Variants in PRKCE observed in about 807,000 individuals in gnomAD.
PRKCE encodes the protein protein kinase C epsilon type.
A neutral mutation model predicts 85.4 loss-of-function variants in PRKCE; 16 were observed. The observed-to-expected ratio is 0.19, with a 90% CI of 0.13 to 0.28. The LOEUF (loss-of-function observed/expected upper bound fraction) is 0.28. Among genes scored for constraint, PRKCE ranks in the 10% least tolerant of loss-of-function variants. The pLI is 1.00. For synonymous variants in PRKCE, 388 were observed against 371.5 expected (o/e 1.04, Z -0.51); for missense variants, 573 against 975.2 (o/e 0.59, Z 5.49).
chr2:45,998,629 A>G (rs1704413184), intron 6 of PRKCE, among the ~76,000 whole-genome samples: 2 of 152,018 alleles, frequency 1.3e-5, no homozygotes, highest in South Asian at 2.1e-4. Context: ...TTTAATTGGT[A>G]TATTTAGACT....
chr2:45,725,684 A>G (rs1373510182), intron 1 of PRKCE, among the ~76,000 whole-genome samples: 2 of 152,160 alleles, frequency 1.3e-5, no homozygotes, highest in African/African-American at 4.8e-5. Context: ...TATAAAAATT[A>G]GCTGGGCGTG....
intron 10 of PRKCE, among the ~76,000 whole-genome samples, chr2:46,023,087 C>A (rs1706810376): frequency 9.9e-5 from 2 of 20,182 alleles, no homozygotes; most frequent in Admixed American, 3.0e-4. Context: ...GAGACTCCGT[C>A]TCAAAAAAAA....
chr2:45,938,862 C>T (rs1295156208), intron 2 of PRKCE, among the ~76,000 whole-genome samples: 1 of 152,220 alleles, frequency 6.6e-6, no homozygotes, highest in South Asian at 2.1e-4. Flanking sequence ...CCCCTGAGGG[C>T]AGAGGCTGGG....
At chr2:45,840,401 A>C (rs1691249760) in intron 1 of PRKCE, 1 of 152,202 alleles carries the variant, frequency 6.6e-6, no homozygotes, top group Non-Finnish European at 1.5e-5. Flanking sequence ...GGTCAGCACT[A>C]GTGGTGAGAA....
Position 45,835,846 on chromosome 2 carries a change from C to T in PRKCE, c.349-7154C>T, listed in dbSNP as rs540265707. ...CTGGCTTGAAGCGATCCTCCTGCCT[C>T]AGCTTCCCAAAGTGTTGGGATTACA... On this transcript the variant is annotated intron_variant, in intron 1 of 14. Transcript: ENST00000306156. Among the ~76,000 whole-genome samples the T allele has an allele frequency of 5.3e-5, 8 of 152,256 alleles. No homozygotes were observed. The South Asian group carries it at 1.7e-3, about 32-fold the overall frequency.
At chr2:45,894,188 G>A (rs903760101) in intron 2 of PRKCE, among the ~76,000 whole-genome samples, 3 of 151,926 alleles carry the variant, frequency 2.0e-5, no homozygotes, top group Non-Finnish European at 4.4e-5. Flanking sequence ...ATCAGTTTTC[G>A]AAGATCTCTT....
intron 2 of PRKCE, among the ~76,000 whole-genome samples, chr2:45,943,772 G>C (rs564316373): frequency 3.3e-5 from 5 of 152,328 alleles, no homozygotes; most frequent in African/African-American, 1.2e-4. Flanking sequence ...CCTTTGTCAG[G>C]AGAGTTCCCA....
At chr2:46,163,167 A>T (rs1355143549) in intron 14 of PRKCE, among the ~76,000 whole-genome samples, 2 of 152,278 alleles carry the variant, frequency 1.3e-5, no homozygotes, top group African/African-American at 4.8e-5. Context: ...GCATAAGCAG[A>T]GTCAGCCTTA....
At chr2:45,811,958 A>G (rs904877488) in intron 1 of PRKCE, among the ~76,000 whole-genome samples, 5 of 152,210 alleles carry the variant, frequency 3.3e-5, no homozygotes, top group African/African-American at 1.2e-4. Flanking sequence ...TCATTAATCC[A>G]TTCATTCATT....
intron 1 of PRKCE, among the ~76,000 whole-genome samples, chr2:45,834,560 C>A (rs1023138238): frequency 6.6e-6 from 1 of 151,824 alleles, no homozygotes; most frequent in Admixed American, 6.6e-5. Context: ...GAGATAAGGA[C>A]GTATGTGCAG....
chr2:45,939,700 G>A (rs910220754), intron 2 of PRKCE, among the ~76,000 whole-genome samples: 10 of 152,140 alleles, frequency 6.6e-5, no homozygotes, highest in Non-Finnish European at 1.3e-4. Flanking sequence ...GACTACAGGT[G>A]CGTGCCACCA....
rs115040491 is a variant in PRKCE at position 45,901,322 on chromosome 2, C to T, written c.412+58259C>T. ...AGTGTTTCAGAATGTTAAAATGGTT[C>T]TTACCCAAGGCCAAACGCTCCGACC... On this transcript the variant is annotated intron_variant, in intron 2 of 14. Coordinates refer to ENST00000306156, the MANE Select transcript of PRKCE (RefSeq NM_005400.3). Among the ~76,000 whole-genome samples, 1,306 of 152,272 alleles carry T rather than the reference C, an allele frequency of 8.6e-3. 12 individuals are homozygous for T. The highest frequency in any genetic ancestry group is 0.029 in the African/African-American group (1,224 of 41,540).
In PRKCE at chr2:45,961,416, T is replaced by A. The variant is rs186740734; in HGVS notation, c.413-15013T>A. On this transcript the variant is annotated intron_variant, in intron 2 of 14. Transcript: ENST00000306156. Reference sequence around the variant, plus strand: ...ATAGTAATCAAGATTTATTGTGTCATTCATTTTCCGTGAGTCGGTTTCTGT... The same window carrying A: ...ATAGTAATCAAGATTTATTGTGTCAATCATTTTCCGTGAGTCGGTTTCTGT... 1.4e-3 allele frequency among the ~76,000 whole-genome samples: 206 copies of A among 152,382 alleles called. 1 individual carries two copies. The highest frequency in any genetic ancestry group is 3.9e-3 in the Admixed American group (59 of 15,310).
At chr2:46,085,722 C>T (rs1047672058) in intron 10 of PRKCE, among the ~76,000 whole-genome samples, 8 of 107,748 alleles carry the variant, frequency 7.4e-5, no homozygotes, top group African/African-American at 7.3e-5. Flanking sequence ...CACTTAATTA[C>T]ATCTGCAAAA....
intron 6 of PRKCE, among the ~76,000 whole-genome samples, chr2:45,992,901 A>T (rs1174650985): frequency 1.3e-5 from 2 of 152,238 alleles, no homozygotes; most frequent in African/African-American, 4.8e-5. Context: ...ACCACCCAGC[A>T]CATAGTAGGT....
chr2:45,819,122 A>C (rs11894941), intron 1 of PRKCE, among the ~76,000 whole-genome samples: 8,138 of 152,258 alleles, frequency 0.053, 379 homozygotes, highest in East Asian at 0.12. Flanking sequence ...GCTGCTGCTG[A>C]TGCTGATGGT....
chr2:45,880,172 A>C (rs1240288927), intron 2 of PRKCE, among the ~76,000 whole-genome samples: 1 of 152,192 alleles, frequency 6.6e-6, no homozygotes, highest in Non-Finnish European at 1.5e-5. Context: ...AGTTGCATTT[A>C]CGTTGCTCTG....
At chr2:45,666,720 G>A (rs973556349) in intron 1 of PRKCE, among the ~76,000 whole-genome samples, 1 of 152,022 alleles carries the variant, frequency 6.6e-6, no homozygotes, top group Non-Finnish European at 1.5e-5. Flanking sequence ...CAGTGTTGAT[G>A]CTTTCTCTCT....
chr2:45,877,972 T>G (rs1242173218), intron 2 of PRKCE, among the ~76,000 whole-genome samples: 1 of 152,260 alleles, frequency 6.6e-6, no homozygotes, highest in Non-Finnish European at 1.5e-5. Context: ...CATGATTGCA[T>G]CCTTGCCCTT....
Sources: allele counts gnomAD v4.1 joint callset (sites outside exome capture counted in the v4.1 genomes callset), GRCh38; gene constraint gnomAD v4.1.1; transcripts MANE v1.5; gene names NCBI Gene and HGNC (gene_info 2026-07-23, HGNC 2026-07-21).